The following HPN variants were observed in gnomAD, a reference collection of about 807,000 sequenced individuals.
HPN encodes the protein serine protease hepsin.
In HPN, 13 loss-of-function variants were observed where a neutral mutation model predicts 55.9. The observed-to-expected ratio is 0.23, with a 90% CI of 0.15 to 0.37. HPN has a LOEUF of 0.37. HPN is among the 10% of genes least tolerant of loss of function. HPN has a pLI of 1.00. For synonymous variants in HPN, 225 were observed against 240.3 expected (o/e 0.94, Z 0.59); for missense variants, 451 against 575.8 (o/e 0.78, Z 2.22).
intron 9 of HPN, among the ~76,000 whole-genome samples, chr19:35,061,454 C>T (rs992327865): frequency 3.3e-5 from 5 of 152,060 alleles, no homozygotes; most frequent in South Asian, 2.1e-4. Context: ...ATTAGCCTGG[C>T]GTGGTGGCAC....
At chr19:35,051,872 G>C (rs2064408994) in intron 4 of HPN, among the ~76,000 whole-genome samples, 1 of 152,170 alleles carries the variant, frequency 6.6e-6, no homozygotes, top group Non-Finnish European at 1.5e-5. Flanking sequence ...ACACATCAGA[G>C]ACAGAGCGAA....
intron 4 of HPN, chr19:35,050,493 G>A: frequency 2.3e-6 from 3 of 1,289,034 alleles, no homozygotes; most frequent in Middle Eastern, 4.3e-4. Flanking sequence ...GGAACGAGGG[G>A]CCAGGAACAG....
chr19:35,059,295 T>C, intron 4 of HPN: 1 of 361,272 alleles, frequency 2.8e-6, no homozygotes, highest in Non-Finnish European at 5.4e-6. Context: ...GACCCGTCTC[T>C]ACAAAACAAA....
intron 8 of HPN, 30 bp from the exon 9 acceptor site, chr19:35,060,597 G>T: frequency 6.2e-7 from 1 of 1,612,838 alleles, no homozygotes. Flanking sequence ...GCCCAGGCAG[G>T]TGGCCACCCT....
At chr19:35,045,153 C>A (rs1045379603) in intron 2 of HPN, among the ~76,000 whole-genome samples, 2 of 151,884 alleles carry the variant, frequency 1.3e-5, no homozygotes, top group African/African-American at 4.8e-5. Context: ...TGACCTGGGA[C>A]CTGGAAGAGG....
intron 2 of HPN, among the ~76,000 whole-genome samples, chr19:35,043,350 C>T (rs1362007859): frequency 2.0e-5 from 3 of 152,138 alleles, no homozygotes; most frequent in Non-Finnish European, 2.9e-5. Context: ...GCTGGAGGGG[C>T]GCATGGAGGG....
At chr19:35,053,680 G>A (rs920345466) in intron 4 of HPN, among the ~76,000 whole-genome samples, 1 of 152,240 alleles carries the variant, frequency 6.6e-6, no homozygotes. Context: ...AGGAGGCAGA[G>A]GTTGCAGTGA....
Position 35,049,319 on chromosome 19 carries a change from C to T in HPN, c.46C>T (p.Pro16Ser). The change falls in exon 3 of 13, where the codon CCC becomes TCC. Residue 16 changes from proline (P) to serine (S), a missense_variant. Transcript: ENST00000672452. The part of the protein sequence containing the change: ...GGRTVPCCSR[P>S]KVAALTAGTL... ...CCGGACTGTGCCATGCTGCTCCAGA[C>T]CCAAGGTGGCAGCTCTCACTGCGGG... 6.3e-7 allele frequency: 1 copy of T among 1,589,536 alleles called. No individual in the cohort carries two copies. Among genetic ancestry groups the T allele is most frequent in the Non-Finnish European group, 8.6e-7 (1 of 1,166,044 alleles).
intron 9 of HPN, among the ~76,000 whole-genome samples, chr19:35,064,345 C>T (rs1205126316): frequency 6.7e-6 from 1 of 149,748 alleles, no homozygotes; most frequent in Non-Finnish European, 1.5e-5. Context: ...TCTCTTTCTT[C>T]TCTCTCTCTC....
At chr19:35,050,053 GA>G (rs2064387596) in intron 4 of HPN, among the ~76,000 whole-genome samples, 1 of 152,054 alleles carries the variant, frequency 6.6e-6, no homozygotes, top group Non-Finnish European at 1.5e-5. Context: ...GTGGCATGGT[GA>G]AAACATGTTG....
upstream of HPN, among the ~76,000 whole-genome samples, chr19:35,040,896 G>A (rs959936467): frequency 6.6e-6 from 1 of 152,200 alleles, no homozygotes; most frequent in Non-Finnish European, 1.5e-5. Context: ...GTGGGTAAGC[G>A]GGTGGGGCCG....
chr19:35,053,349 C>G (rs1433171308), intron 4 of HPN, among the ~76,000 whole-genome samples: 1 of 152,172 alleles, frequency 6.6e-6, no homozygotes, highest in Non-Finnish European at 1.5e-5. Context: ...TCTTCCTGCC[C>G]CAGCTGGTGT....
upstream of HPN, among the ~76,000 whole-genome samples, chr19:35,041,348 C>T (rs949384049): frequency 7.9e-5 from 12 of 151,702 alleles, no homozygotes; most frequent in Admixed American, 3.9e-4. Context: ...CAGCAAGTGG[C>T]GGGCACAGCC....
chr19:35,064,648 A>G (rs2064580130), intron 9 of HPN, among the ~76,000 whole-genome samples: 2 of 152,050 alleles, frequency 1.3e-5, no homozygotes, highest in Admixed American at 1.3e-4. Flanking sequence ...GTGTTAAAAC[A>G]TACATGTTAT....
intron 2 of HPN, among the ~76,000 whole-genome samples, chr19:35,046,305 C>T (rs11669053): frequency 0.58 from 87,539 of 151,266 alleles, 25,606 homozygotes; most frequent in African/African-American, 0.69. Context: ...AGTACAGTGG[C>T]GCAATCTTGA....
At chr19:35,057,134 A>C (rs1156713059) in intron 4 of HPN, among the ~76,000 whole-genome samples, 2 of 152,236 alleles carry the variant, frequency 1.3e-5, no homozygotes, top group Non-Finnish European at 2.9e-5. Flanking sequence ...TTAAAATGTT[A>C]TCAGATGGGG....
upstream of HPN, chr19:35,041,594 T>G (rs1442734368): frequency 1.7e-6 from 2 of 1,143,218 alleles, no homozygotes; most frequent in Non-Finnish European, 2.2e-6. Context: ...GCCCCGTAGC[T>G]GGGCCCGCCT....
intron 4 of HPN, among the ~76,000 whole-genome samples, chr19:35,051,604 C>G (rs935752761): frequency 2.0e-5 from 3 of 151,712 alleles, no homozygotes; most frequent in African/African-American, 7.3e-5. Flanking sequence ...GGTCATGGAG[C>G]TAGTCAGTGT....
At chr19:35,047,931 A>G (rs916169087) in intron 2 of HPN, among the ~76,000 whole-genome samples, 2 of 150,748 alleles carry the variant, frequency 1.3e-5, no homozygotes, top group African/African-American at 4.9e-5. Context: ...TTGAGACTGC[A>G]GTGTGCCATG....
Sources: allele counts gnomAD v4.1 joint callset (sites outside exome capture counted in the v4.1 genomes callset), GRCh38; gene constraint gnomAD v4.1.1; transcripts MANE v1.5; gene names NCBI Gene and HGNC (gene_info 2026-07-23, HGNC 2026-07-21).